Variants in MYH14 observed in about 807,000 individuals in gnomAD.
MYH14 encodes the protein myosin heavy chain 14.
Under a neutral mutation model 255.5 loss-of-function variants are expected in MYH14, and 123 were observed. The observed-to-expected ratio is 0.48, with a 90% CI of 0.42 to 0.56. The LOEUF is 0.56. Ranked by LOEUF, MYH14 falls within the 20% of genes least tolerant of loss-of-function variation. MYH14 has a pLI of 0.00. For synonymous variants in MYH14, 1,095 were observed against 1,161.2 expected, an observed-to-expected ratio of 0.94 and a Z score of 1.16; for missense variants, 2,423 against 2,802.3, an observed-to-expected ratio of 0.86 and a Z score of 3.06.
rs114946508 is a variant in MYH14 at position 50,224,324 on chromosome 19, G to C, written c.717+147G>C. ...CTGCCCCACCACTGCTATTCATGGCGGCCCTGCTGTGTGAGTGTGTGCAGA... is the reference window on the plus strand; with the variant it reads ...CTGCCCCACCACTGCTATTCATGGCCGCCCTGCTGTGTGAGTGTGTGCAGA... On this transcript the variant is annotated intron_variant, in intron 6 of 42. Coordinates refer to ENST00000642316, the MANE Select transcript of MYH14 (RefSeq NM_001145809.2). 4 of 1,086,628 alleles carry C rather than the reference G, an allele frequency of 3.7e-6. No individual in the cohort carries two copies. In the South Asian group the frequency reaches 5.1e-5, roughly 14 times the overall value. 67.3% of individuals were successfully genotyped at this position (1,086,628 alleles called of 1,614,324 possible). A position where few individuals can be genotyped will look rare whatever the true frequency, so the allele number is the denominator to read the frequency against.
chr19:50,305,017 G>T lies in MYH14; in HGVS notation c.5679-2032G>T, dbSNP rs555656389. ...TCAGGGAGACAGGGAGGTAAATGAG[G>T]CTTGAAGCACACAGAGCCTTGAATA... On this transcript the variant is annotated intron_variant, in intron 40 of 42. Transcript: ENST00000642316. Among the ~76,000 whole-genome samples, 9 of 152,232 alleles carry T rather than the reference G, an allele frequency of 5.9e-5. No homozygotes were observed. In the South Asian group the frequency reaches 1.9e-3, roughly 32 times the overall value.
intron 1 of MYH14, 93 bp from the exon 2 acceptor site, chr19:50,210,270 C>G (rs2032099042): frequency 8.2e-7 from 1 of 1,219,978 alleles, no homozygotes; most frequent in Non-Finnish European, 1.1e-6. Context: ...TAAAGGAAGG[C>G]AGAGGTGGCT....
Position 50,293,713 on chromosome 19 carries a change from A to G in MYH14, c.5469+26A>G. On this transcript the variant is annotated intron_variant, in intron 39 of 42. Coordinates refer to ENST00000642316, the MANE Select transcript of MYH14 (RefSeq NM_001145809.2). This position sits in a 1 kb window ranked among gnomAD's most constrained non-coding sequence, Gnocchi z 4.1. ...GTGAGCGTGATTGACCGCCCCCACC[A>G]GCCTCAGTCCCCATTGACCTGGGAC... The G allele has an allele frequency of 6.5e-7, 1 of 1,537,530 alleles. No individual in the cohort carries two copies. The highest frequency in any genetic ancestry group is 1.4e-5 in the African/African-American group (1 of 73,012).
At chr19:50,253,768 T>G (rs1397013601) in intron 16 of MYH14, among the ~76,000 whole-genome samples, 2 of 152,152 alleles carry the variant, frequency 1.3e-5, no homozygotes, top group African/African-American at 4.8e-5. Context: ...CCCCCCATCC[T>G]TAGAGGAGGT....
chr19:50,265,853 TAATA>T (rs1308747279), intron 22 of MYH14, among the ~76,000 whole-genome samples: 1 of 151,866 alleles, frequency 6.6e-6, no homozygotes, highest in Non-Finnish European at 1.5e-5. Context: ...TAAAAATTAA[TAATA>T]AATAAAAAAC....
Position 50,250,348 on chromosome 19 carries a change from G to T in MYH14, c.1657-167G>T, listed in dbSNP as rs1177926332. 5.3e-5 allele frequency among the ~76,000 whole-genome samples: 8 copies of T among 151,254 alleles called. No homozygotes were observed. On this transcript the variant is annotated intron_variant, in intron 14 of 42. Transcript: ENST00000642316. This position sits in a 1 kb window ranked among gnomAD's most constrained non-coding sequence, Gnocchi z 5.4. Reference sequence around the variant, plus strand: ...GATCTCCTGACCTCGTGATCTACCCGCCTCGGCCTCCCAAAGTGCTGGGAT... The same window carrying T: ...GATCTCCTGACCTCGTGATCTACCCTCCTCGGCCTCCCAAAGTGCTGGGAT...
intron 10 of MYH14, among the ~76,000 whole-genome samples, chr19:50,241,573 G>T (rs953576914): frequency 2.0e-5 from 3 of 152,084 alleles, no homozygotes; most frequent in African/African-American, 7.2e-5. Context: ...ATTGAGTCCT[G>T]AGCAAAGCAA....
intron 27 of MYH14, among the ~76,000 whole-genome samples, chr19:50,273,883 C>T (rs745937765): frequency 1.3e-5 from 2 of 151,962 alleles, no homozygotes; most frequent in Non-Finnish European, 2.9e-5. Flanking sequence ...GTGATCCATT[C>T]GCTGAGGTTA....
chr19:50,284,845 A>T (rs1171958395), intron 33 of MYH14: 14 of 150,494 alleles, frequency 9.3e-5, no homozygotes, highest in Admixed American at 9.3e-4. Context: ...CTCTCCACTG[A>T]CTTGTTTTTG....
At position 50,293,252 on chromosome 19, in the gene MYH14, G is replaced by T; in HGVS notation, c.5276G>T (p.Arg1759Leu). ...RLQEELAASD[R>L]ARRQAQQDRD... ...TCACAGGAACTGGCCGCCTCGGACC[G>T]TGCTCGGCGGCAGGCCCAGCAGGAC... is the stretch of plus-strand genomic sequence containing the variant. The change falls in exon 38 of 43, where the codon CGT (arginine) becomes CTT (leucine). Residue 1759 changes from arginine (R) to leucine (L), a missense_variant. Arg to Leu is a moderately radical substitution (Grantham distance 102). Transcript: ENST00000642316. The surrounding 1 kb of genome is among the most constrained non-coding windows in gnomAD (Gnocchi z 4.1). The T allele has an allele frequency of 1.2e-6, 2 of 1,608,176 alleles. No individual in the cohort carries two copies. Among genetic ancestry groups the T allele is most frequent in the Non-Finnish European group, 1.7e-6 (2 of 1,177,638 alleles).
At chr19:50,235,741 A>C (rs2033629921) in intron 10 of MYH14, among the ~76,000 whole-genome samples, 1 of 151,894 alleles carries the variant, frequency 6.6e-6, no homozygotes, top group South Asian at 2.1e-4. Flanking sequence ...CTATGATTGC[A>C]CCACTGTACT....
At chr19:50,217,832 G>A in intron 3 of MYH14, 61 bp downstream of exon 3, 3 of 1,580,538 alleles carry the variant, frequency 1.9e-6, no homozygotes, top group African/African-American at 1.3e-5. Context: ...CCTGACCTGG[G>A]GCTGCCGGAA....
chr19:50,232,076 T>A lies in MYH14; in HGVS notation c.1114+6T>A. ...CAGCCACGAGGAAATCATCTGTGAG[T>A]GAGCCCCGTGGAGGCCAGGGGTAGG... On this transcript the variant is annotated splice_donor_region_variant and intron_variant, in intron 10 of 42. Coordinates refer to ENST00000642316, the MANE Select transcript of MYH14 (RefSeq NM_001145809.2). 9.3e-6 allele frequency: 15 copies of A among 1,610,860 alleles called. No individual in the cohort carries two copies. Among genetic ancestry groups the A allele is most frequent in the Non-Finnish European group, 1.3e-5 (15 of 1,179,840 alleles).
Position 50,293,246 on chromosome 19 carries a change from C to T in MYH14, c.5270C>T (p.Ser1757Leu), listed in dbSNP as rs770822041. 6.2e-6 allele frequency: 10 copies of T among 1,606,302 alleles called. No homozygotes were observed. The highest frequency in any genetic ancestry group is 2.7e-5 in the African/African-American group (2 of 74,766). ...CCATCATCACAGGAACTGGCCGCCT[C>T]GGACCGTGCTCGGCGGCAGGCCCAG... ...VLRLQEELAA[S>L]DRARRQAQQD... Residue 1757 changes from serine (S) to leucine (L), a missense_variant, in exon 38 of 43, where the codon TCG (serine) becomes TTG (leucine). Transcript: ENST00000642316. This position sits in a 1 kb window ranked among gnomAD's most constrained non-coding sequence, Gnocchi z 4.1.
chr19:50,299,324 C>T (rs1196702970), intron 39 of MYH14, among the ~76,000 whole-genome samples: 1 of 152,076 alleles, frequency 6.6e-6, no homozygotes, highest in Non-Finnish European at 1.5e-5. Flanking sequence ...GATTCCAGCA[C>T]TTTGGGAGGC....
intron 39 of MYH14, among the ~76,000 whole-genome samples, chr19:50,301,153 T>G (rs940504887): frequency 2.0e-5 from 3 of 152,224 alleles, no homozygotes; most frequent in African/African-American, 7.2e-5. Context: ...TAGCAGCTAC[T>G]GTTTATTGAG....
chr19:50,273,600 G>GT (rs56094552), intron 27 of MYH14, among the ~76,000 whole-genome samples: 51,761 of 115,726 alleles, frequency 0.45, 9,324 homozygotes, highest in African/African-American at 0.52. Flanking sequence ...GGAACATGGG[G>GT]GGTGTGTGTG....
chr19:50,260,115 G>A (rs1327906680), intron 19 of MYH14, among the ~76,000 whole-genome samples: 1 of 152,044 alleles, frequency 6.6e-6, no homozygotes, highest in Non-Finnish European at 1.5e-5. Context: ...TTTTACTAAA[G>A]CCAATACATC....
intron 40 of MYH14, among the ~76,000 whole-genome samples, chr19:50,303,760 G>A (rs1215837460): frequency 6.6e-6 from 1 of 152,078 alleles, no homozygotes; most frequent in Non-Finnish European, 1.5e-5. Context: ...GTCATAAAAT[G>A]GCTGCAATTG....
Sources: allele counts gnomAD v4.1 joint callset (sites outside exome capture counted in the v4.1 genomes callset), GRCh38; gene constraint gnomAD v4.1.1; non-coding constraint Gnocchi (gnomAD v3.1); transcripts MANE v1.5; gene names NCBI Gene and HGNC (gene_info 2026-07-23, HGNC 2026-07-21).